The following DLGAP2 variants were observed in gnomAD, a reference collection of about 807,000 sequenced individuals.
DLGAP2 encodes the protein DLG associated protein 2.
DLGAP2 carries 26 observed loss-of-function variants against 100.3 expected under a neutral mutation model. The observed-to-expected ratio is 0.26, with a 90% confidence interval of 0.19 to 0.36. The LOEUF (loss-of-function observed/expected upper bound fraction) is 0.36, where lower values mean the gene tolerates loss of function less well. Among genes scored for constraint, DLGAP2 ranks in the 10% least tolerant of loss-of-function variants. DLGAP2 has a pLI of 1.00. For missense variants in DLGAP2, 1,858 were observed against 1,453.2 expected (o/e 1.28, Z -4.53); for synonymous variants, 886 against 630.1 (o/e 1.41, Z -6.08).
chr8:1,651,849 C>G (rs1226113365), intron 8 of DLGAP2, among the ~76,000 whole-genome samples: 1 of 152,204 alleles, frequency 6.6e-6, no homozygotes, highest in African/African-American at 2.4e-5. Flanking sequence ...GGGACACAGT[C>G]TTGTGTGTGA....
At chr8:1,550,053 C>T (rs1248812571) in intron 5 of DLGAP2, among the ~76,000 whole-genome samples, 1 of 152,218 alleles carries the variant, frequency 6.6e-6, no homozygotes, top group African/African-American at 2.4e-5. Context: ...CTGGTAACCA[C>T]GGTTCCACTC....
intron 3 of DLGAP2, among the ~76,000 whole-genome samples, chr8:1,272,491 A>G (rs1296766581): frequency 6.6e-6 from 1 of 152,144 alleles, no homozygotes; most frequent in African/African-American, 2.4e-5. Context: ...ATTACACATA[A>G]ACGTTTTATA....
chr8:1,090,681 C>G (rs763491592), intron 2 of DLGAP2, among the ~76,000 whole-genome samples: 1 of 152,202 alleles, frequency 6.6e-6, no homozygotes, highest in African/African-American at 2.4e-5. Flanking sequence ...GAAGGCAGTA[C>G]GCTGTGTGGA....
At chr8:1,141,478 T>G (rs768954710) in intron 2 of DLGAP2, among the ~76,000 whole-genome samples, 41 of 152,154 alleles carry the variant, frequency 2.7e-4, no homozygotes, top group Non-Finnish European at 4.4e-4. Flanking sequence ...AGAGCCTATA[T>G]TATTAAAAAA....
chr8:1,047,005 C>T (rs1018655471), intron 2 of DLGAP2, among the ~76,000 whole-genome samples: 2 of 151,928 alleles, frequency 1.3e-5, no homozygotes, highest in African/African-American at 2.4e-5. Context: ...AATTCACATA[C>T]CATAAAATTT....
chr8:870,000 C>G (rs878961263), intron 1 of DLGAP2, among the ~76,000 whole-genome samples: 1 of 148,034 alleles, frequency 6.8e-6, no homozygotes, highest in Non-Finnish European at 1.5e-5. Flanking sequence ...GATACCGTGC[C>G]TAATTTACAA....
chr8:1,254,988 G>C (rs1462336629), intron 2 of DLGAP2, among the ~76,000 whole-genome samples: 19 of 127,836 alleles, frequency 1.5e-4, no homozygotes, highest in African/African-American at 5.7e-4. Context: ...GGTGCTGTGT[G>C]TGTGTCCTCT....
intron 1 of DLGAP2, among the ~76,000 whole-genome samples, chr8:814,556 C>T (rs934404948): frequency 6.6e-6 from 1 of 151,886 alleles, no homozygotes; most frequent in African/African-American, 2.4e-5. Flanking sequence ...ACCTGTAAAA[C>T]AAGAATAGGT....
chr8:978,908 G>T (rs1368282151), intron 2 of DLGAP2, among the ~76,000 whole-genome samples: 1 of 152,102 alleles, frequency 6.6e-6, no homozygotes, highest in African/African-American at 2.4e-5. Context: ...ACATATTATT[G>T]CAAAAATAAC....
chr8:1,292,626 A>C (rs1276092705), intron 3 of DLGAP2, among the ~76,000 whole-genome samples: 3 of 152,208 alleles, frequency 2.0e-5, no homozygotes, highest in African/African-American at 7.2e-5. Flanking sequence ...CAAAAAGACA[A>C]CACATATTCT....
At chr8:888,933 G>A (rs1797979687) in intron 1 of DLGAP2, among the ~76,000 whole-genome samples, 1 of 152,118 alleles carries the variant, frequency 6.6e-6, no homozygotes. Context: ...CAATAAAGCT[G>A]TTTATTTCAT....
intron 8 of DLGAP2, among the ~76,000 whole-genome samples, chr8:1,644,669 T>G (rs1798000488): frequency 6.6e-6 from 1 of 152,178 alleles, no homozygotes; most frequent in Non-Finnish European, 1.5e-5. Context: ...CGATGTACAT[T>G]TAAAATGTAC....
chr8:1,688,467 T>G (rs1799170105), intron 12 of DLGAP2: 1 of 152,168 alleles, frequency 6.6e-6, no homozygotes, highest in African/African-American at 2.4e-5. Flanking sequence ...GAGAATTAGG[T>G]GATATTCAGG....
At chr8:1,176,734 G>T (rs1186927503) in intron 2 of DLGAP2, among the ~76,000 whole-genome samples, 1 of 152,118 alleles carries the variant, frequency 6.6e-6, no homozygotes, top group Non-Finnish European at 1.5e-5. Context: ...CTCAGGTGCA[G>T]CCCCGTCTGC....
chr8:1,362,034 G>A (rs1179624405), intron 3 of DLGAP2, among the ~76,000 whole-genome samples: 1 of 152,188 alleles, frequency 6.6e-6, no homozygotes, highest in Non-Finnish European at 1.5e-5. Context: ...TGGCAAGTTC[G>A]GTGTCTGGGG....
At chr8:1,283,932 G>T (rs569971369) in intron 3 of DLGAP2, among the ~76,000 whole-genome samples, 5 of 152,326 alleles carry the variant, frequency 3.3e-5, no homozygotes, top group African/African-American at 1.2e-4. Flanking sequence ...AAATGCTAGA[G>T]CGTCCATCTG....
intron 3 of DLGAP2, among the ~76,000 whole-genome samples, chr8:1,493,899 A>G (rs1799465999): frequency 6.6e-6 from 1 of 152,168 alleles, no homozygotes; most frequent in African/African-American, 2.4e-5. Context: ...TTTTGTGTCC[A>G]TTTCATTTCG....
chr8:1,206,126 G>A (rs556539439), intron 2 of DLGAP2, among the ~76,000 whole-genome samples: 40 of 152,322 alleles, frequency 2.6e-4, no homozygotes, highest in Non-Finnish European at 5.0e-4. Context: ...ATGTTACTGT[G>A]AGCTGCTCGG....
intron 2 of DLGAP2, among the ~76,000 whole-genome samples, chr8:1,163,629 G>T (rs537809287): frequency 5.9e-5 from 9 of 152,244 alleles, no homozygotes; most frequent in Admixed American, 5.9e-4. Context: ...CGCAGGGCCC[G>T]GGAGAGGCTG....
Sources: gnomAD v4.1 joint callset for allele counts (sites outside exome capture counted in the v4.1 genomes callset) on GRCh38, gnomAD v4.1.1 for gene constraint, MANE v1.5 for transcripts, NCBI Gene and HGNC (gene_info 2026-07-23, HGNC 2026-07-21) for gene names.